APP: variants seen among roughly 807,000 people sequenced by gnomAD.
APP encodes the protein amyloid beta precursor protein, also known as amyloid-beta precursor protein.
A neutral mutation model predicts 101.4 loss-of-function variants in APP; 31 were observed. The ratio of observed to expected loss-of-function variants is 0.31; its 90% CI spans 0.23 to 0.41. The LOEUF is 0.41. APP is among the 10% of genes least tolerant of loss of function. APP has a pLI of 1.00. For synonymous variants in APP, 366 were observed against 364.4 expected (o/e 1.00, Z -0.05); for missense variants, 839 against 1,003.7 (o/e 0.84, Z 2.22).
chr21:26,160,723 C>T (rs1340030254), intron 1 of APP, among the ~76,000 whole-genome samples: 6 of 152,078 alleles, frequency 3.9e-5, no homozygotes, highest in Non-Finnish European at 8.8e-5. Context: ...AAATTTAATT[C>T]CAATACACAT....
chr21:25,969,683 T>G (rs2041937359), intron 11 of APP, among the ~76,000 whole-genome samples: 1 of 151,266 alleles, frequency 6.6e-6, no homozygotes, highest in African/African-American at 2.4e-5. Flanking sequence ...TTACAAAAAT[T>G]TTTTAAAAAT....
intron 1 of APP, among the ~76,000 whole-genome samples, chr21:26,161,821 T>A (rs932996641): frequency 1.3e-5 from 2 of 152,176 alleles, no homozygotes; most frequent in Admixed American, 6.5e-5. Flanking sequence ...ACTTTTCATA[T>A]GATGGGTTTT....
intron 13 of APP, among the ~76,000 whole-genome samples, chr21:25,917,097 C>G (rs911219541): frequency 2.6e-5 from 4 of 152,012 alleles, no homozygotes; most frequent in African/African-American, 9.7e-5. Flanking sequence ...CCCGTCTCTA[C>G]TAAAAATACA....
chr21:26,114,404 A>C (rs1290778026), intron 1 of APP, among the ~76,000 whole-genome samples: 1 of 152,240 alleles, frequency 6.6e-6, no homozygotes, highest in South Asian at 2.1e-4. Context: ...GGAGTACAGC[A>C]GAAGTGATGA....
At chr21:26,084,507 G>GGGATT (rs2146091345) in intron 3 of APP, among the ~76,000 whole-genome samples, 1 of 140,218 alleles carries the variant, frequency 7.1e-6, no homozygotes, top group South Asian at 2.4e-4. Flanking sequence ...CCGAAGTTCT[G>GGGATT]GGATTACAGG....
At chr21:26,070,546 A>G (rs1322224833) in intron 3 of APP, among the ~76,000 whole-genome samples, 1 of 152,214 alleles carries the variant, frequency 6.6e-6, no homozygotes, top group Non-Finnish European at 1.5e-5. Flanking sequence ...GAGGCTCACA[A>G]GTAAAAACTA....
intron 1 of APP, among the ~76,000 whole-genome samples, chr21:26,154,524 C>T (rs1040166173): frequency 6.6e-6 from 1 of 152,110 alleles, no homozygotes; most frequent in African/African-American, 2.4e-5. Context: ...TTCATCCTAC[C>T]CCACAAGTTT....
At chr21:26,077,711 G>A (rs1444462714) in intron 3 of APP, among the ~76,000 whole-genome samples, 1 of 150,338 alleles carries the variant, frequency 6.7e-6, no homozygotes, top group African/African-American at 2.5e-5. Context: ...CACAGCTGTT[G>A]CCTGAGATTT....
chr21:25,941,878 A>G (rs2040591831), intron 13 of APP: 1 of 152,218 alleles, frequency 6.6e-6, no homozygotes. Flanking sequence ...CTTATGTCTG[A>G]TCCCTTGCAA....
chr21:25,886,942 ATTAC>A (rs1283222829), intron 17 of APP, among the ~76,000 whole-genome samples: 1 of 152,002 alleles, frequency 6.6e-6, no homozygotes, highest in Non-Finnish European at 1.5e-5. Flanking sequence ...GTGACAGCAT[ATTAC>A]TTAGAAAAAG....
At chr21:25,900,939 AT>A (rs36115961) in intron 15 of APP, among the ~76,000 whole-genome samples, 147,527 of 147,534 alleles carry the variant, frequency 1, 73,760 homozygotes, top group Middle Eastern at 1. Context: ...GTGAGCCGAG[AT>A]TCGTGCCACT....
chr21:26,009,635 G>A (rs959678141), intron 6 of APP: 1 of 150,052 alleles, frequency 6.7e-6, no homozygotes, highest in African/African-American at 2.5e-5. Flanking sequence ...TGTCACCCAG[G>A]CTAGAGTACA....
At chr21:26,145,318 A>T (rs1287148574) in intron 1 of APP, among the ~76,000 whole-genome samples, 2 of 152,008 alleles carry the variant, frequency 1.3e-5, no homozygotes, top group Non-Finnish European at 2.9e-5. Context: ...ATGGCATGAG[A>T]CTGGATGGGA....
intron 6 of APP, among the ~76,000 whole-genome samples, chr21:26,020,685 A>G (rs113793837): frequency 3.9e-5 from 6 of 152,358 alleles, no homozygotes; most frequent in African/African-American, 1.4e-4. Context: ...ATCTAGCTCT[A>G]GAAGCATCTT....
chr21:26,131,012 G>A (rs45531132), intron 1 of APP, among the ~76,000 whole-genome samples: 14,675 of 152,036 alleles, frequency 0.097, 908 homozygotes, highest in Admixed American at 0.15. Flanking sequence ...GGTGGATCAC[G>A]TGAGGTCGGG....
intron 3 of APP, among the ~76,000 whole-genome samples, chr21:26,074,663 A>G (rs1054627857): frequency 6.6e-6 from 1 of 152,136 alleles, no homozygotes; most frequent in Non-Finnish European, 1.5e-5. Context: ...AGGCAAGAGA[A>G]TCGCTTGAAC....
intron 3 of APP, among the ~76,000 whole-genome samples, chr21:26,061,481 C>A (rs1471748592): frequency 2.6e-5 from 4 of 152,110 alleles, no homozygotes; most frequent in Non-Finnish European, 5.9e-5. Flanking sequence ...TTCACATTAA[C>A]AAATAGGCTG....
chr21:26,165,853 T>C (rs963362471), intron 1 of APP, among the ~76,000 whole-genome samples: 1 of 152,222 alleles, frequency 6.6e-6, no homozygotes, highest in Non-Finnish European at 1.5e-5. Flanking sequence ...AATACTCAGC[T>C]AGCTAATCTA....
chr21:26,030,993 A>T (rs2044792689), intron 5 of APP, among the ~76,000 whole-genome samples: 1 of 152,206 alleles, frequency 6.6e-6, no homozygotes, highest in Non-Finnish European at 1.5e-5. Context: ...GAAAGATATA[A>T]GAAAACTAAA....
Sources: gnomAD v4.1 joint callset for allele counts (sites outside exome capture counted in the v4.1 genomes callset) on GRCh38, gnomAD v4.1.1 for gene constraint, MANE v1.5 for transcripts, NCBI Gene and HGNC (gene_info 2026-07-23, HGNC 2026-07-21) for gene names.